The following CPAMD8 variants were observed in gnomAD, a reference collection of about 807,000 sequenced individuals.
CPAMD8 encodes the protein C3 and PZP like alpha-2-macroglobulin domain containing 8, also known as C3 and PZP-like alpha-2-macroglobulin domain-containing protein 8.
In CPAMD8, 146 loss-of-function variants were observed where a neutral mutation model predicts 224.7. The ratio of observed to expected loss-of-function variants is 0.65; its 90% CI spans 0.57 to 0.75. CPAMD8 has a LOEUF of 0.75. Ranked by LOEUF, CPAMD8 falls within the 30% of genes least tolerant of loss-of-function variation. The probability of loss-of-function intolerance (pLI) is 0.00; values close to 1 mark genes in which losing one functional copy is unlikely to be tolerated. For synonymous variants in CPAMD8, 966 were observed against 1,044.6 expected (o/e 0.92, Z 1.45); for missense variants, 2,301 against 2,537.5 (o/e 0.91, Z 2.00).
rs146719403 is a variant in CPAMD8 at position 16,967,568 on chromosome 19, A to C, written c.2213+3323T>G. ...ATGCCTGTAATCCCAGCACTTTGGG[A>C]GGCCAAGGCTGGCGGATCATGAGGT... On this transcript the variant is annotated intron_variant, in intron 18 of 41. Coordinates refer to ENST00000443236, the MANE Select transcript of CPAMD8 (RefSeq NM_015692.5). Among the ~76,000 whole-genome samples the C allele has an allele frequency of 9.5e-3, 1,444 of 152,168 alleles. 21 individuals are homozygous for C. Among genetic ancestry groups the C allele is most frequent in the African/African-American group, 0.033 (1,375 of 41,530 alleles).
rs1196710399 is a variant in CPAMD8 at position 16,906,407 on chromosome 19, T to TTTCTTTCTTTCTTTCTCTCTTTCC, written c.4027+544_4027+545insGGAAAGAGAGAAAGAAAGAAAGAA. Among the ~76,000 whole-genome samples the TTTCTTTCTTTCTTTCTCTCTTTCC allele has an allele frequency of 2.4e-4, 17 of 69,890 alleles. 1 individual carries two copies. Among genetic ancestry groups the TTTCTTTCTTTCTTTCTCTCTTTCC allele is most frequent in the African/African-American group, 1.1e-3 (17 of 15,500 alleles). 45.9% of individuals were successfully genotyped at this position (69,890 alleles called of 152,430 possible). ...CTTTCTTTCTTTCTTTCTTTCTTTCTTTCCTTCCTTCCTTCCTTCCTTCCT... is the reference window on the plus strand; with the variant it reads ...CTTTCTTTCTTTCTTTCTTTCTTTCTTTCTTTCTTTCTTTCTCTCTTTCCTTCCTTCCTTCCTTCCTTCCTTCCT... On this transcript the variant is annotated intron_variant, in intron 30 of 41. Coordinates refer to ENST00000443236, the MANE Select transcript of CPAMD8 (RefSeq NM_015692.5).
Position 16,893,314 on chromosome 19 carries a change from C to T in CPAMD8, c.5452G>A (p.Val1818Met), listed in dbSNP as rs1294953239. ...CTGCTTTCCAGGTTCCCGCTGCTCA[C>T]AGGAGGCCGAGGCCCGGCTGTGACC... is the stretch of plus-strand genomic sequence containing the variant. The part of the protein sequence containing the change: ...DRVTAGPRPP[V>M]SSGNLESSTQ... Residue 1818 changes from valine (V) to methionine (M), a missense_variant, in exon 42 of 42, where the codon GTG becomes ATG. Val to Met is a conservative substitution (Grantham distance 21). Around this residue, in one of 4 missense-constraint regions of CPAMD8, gnomAD observed 1,709 missense variants for 1,753.2 expected, o/e 0.97. Coordinates refer to ENST00000443236, the MANE Select transcript of CPAMD8 (RefSeq NM_015692.5). 8 of 1,543,088 alleles carry T rather than the reference C, an allele frequency of 5.2e-6. No individual in the cohort carries two copies. The South Asian group carries it at 9.5e-5, about 18-fold the overall frequency.
intron 13 of CPAMD8, among the ~76,000 whole-genome samples, chr19:16,980,950 C>A (rs565893338): frequency 2.0e-5 from 3 of 152,064 alleles, no homozygotes; most frequent in Non-Finnish European, 4.4e-5. Flanking sequence ...ATTCTCCTGC[C>A]TCAGCCTCCT....
chr19:16,920,608 C>A (rs963389449), intron 27 of CPAMD8, among the ~76,000 whole-genome samples: 7 of 152,260 alleles, frequency 4.6e-5, no homozygotes, highest in Admixed American at 2.6e-4. Flanking sequence ...GTAATCCCAG[C>A]ACTTTAGGAG....
intron 3 of CPAMD8, among the ~76,000 whole-genome samples, chr19:17,012,127 TC>T (rs916881237): frequency 4.6e-5 from 7 of 151,826 alleles, no homozygotes; most frequent in Non-Finnish European, 7.4e-5. Context: ...CAAATGATTC[TC>T]CCACCTCAGC....
intron 20 of CPAMD8, among the ~76,000 whole-genome samples, chr19:16,948,080 G>A (rs1349104586): frequency 2.0e-5 from 3 of 152,204 alleles, no homozygotes; most frequent in East Asian, 1.9e-4. Flanking sequence ...TGCAGGGTGT[G>A]TGCATGTGCA....
At chr19:17,000,234 G>A (rs112047702) in intron 10 of CPAMD8, 180 bp downstream of exon 10, 3 of 482,866 alleles carry the variant, frequency 6.2e-6, no homozygotes, top group South Asian at 7.9e-5. Context: ...CGAGAGGATC[G>A]CTTGAGCCCA....
At chr19:16,916,631 C>T (rs974280761) in intron 27 of CPAMD8, among the ~76,000 whole-genome samples, 6 of 151,664 alleles carry the variant, frequency 4.0e-5, no homozygotes, top group Non-Finnish European at 7.4e-5. Flanking sequence ...CCCAGCTACT[C>T]GGGAGGCTGA....
chr19:17,004,277 C>T lies in CPAMD8; in HGVS notation c.669G>A (p.Lys223=). 1 of 1,597,446 alleles carries T rather than the reference C, an allele frequency of 6.3e-7. No individual in the cohort carries two copies. The change falls in exon 8 of 42, where the codon AAG becomes AAA. Residue 223 remains lysine, a synonymous_variant. Transcript: ENST00000443236. ...HAYNKSFEVQ[K]YVLPKFELLI... ...CCCTGAGATTCTCCAACTTACCATA[C>T]TTCTGAACTTCAAAAGACTTGTTGT...
intron 13 of CPAMD8, among the ~76,000 whole-genome samples, chr19:16,984,610 C>T (rs2055646325): frequency 1.3e-5 from 2 of 152,026 alleles, no homozygotes; most frequent in South Asian, 4.1e-4. Flanking sequence ...AAAAGATAAC[C>T]CATAGTATAG....
intron 16 of CPAMD8, 75 bp from the exon 17 acceptor site, chr19:16,975,333 C>T (rs1313943304): frequency 4.2e-6 from 5 of 1,187,968 alleles, no homozygotes; most frequent in Non-Finnish European, 4.9e-6. Context: ...GTGGGTGTGG[C>T]ATGCTCCCAT....
intron 12 of CPAMD8, among the ~76,000 whole-genome samples, chr19:16,992,733 T>A (rs1232612055): frequency 6.6e-6 from 1 of 152,164 alleles, no homozygotes; most frequent in African/African-American, 2.4e-5. Flanking sequence ...ATTACAAGCA[T>A]GAGCCACTGT....
intron 3 of CPAMD8, among the ~76,000 whole-genome samples, chr19:17,012,796 G>C (rs1188198167): frequency 6.6e-6 from 1 of 152,242 alleles, no homozygotes; most frequent in Non-Finnish European, 1.5e-5. Flanking sequence ...CAGCCTGTGA[G>C]CGGTGGAAGG....
chr19:16,909,161 G>T (rs1360802015), intron 29 of CPAMD8, among the ~76,000 whole-genome samples: 2 of 152,196 alleles, frequency 1.3e-5, no homozygotes, highest in African/African-American at 4.8e-5. Context: ...ACTTATTTAG[G>T]AAATGGGTCT....
chr19:16,944,471 G>A (rs139619346), intron 22 of CPAMD8, among the ~76,000 whole-genome samples: 12 of 152,258 alleles, frequency 7.9e-5, no homozygotes, highest in African/African-American at 2.6e-4. Context: ...TTCTGTAAGG[G>A]GAGGAGGCAA....
intron 18 of CPAMD8, among the ~76,000 whole-genome samples, chr19:16,969,691 C>T (rs1272305497): frequency 2.0e-5 from 3 of 151,534 alleles, no homozygotes; most frequent in African/African-American, 7.3e-5. Flanking sequence ...ACCAGTGTGC[C>T]TAACATGGTG....
chr19:16,925,430 G>A, intron 25 of CPAMD8, 58 bp from the exon 26 acceptor site: 1 of 1,397,712 alleles, frequency 7.2e-7, no homozygotes, highest in South Asian at 1.2e-5. Context: ...TAGAGAACAG[G>A]GACAGCTTTA....
intron 18 of CPAMD8, among the ~76,000 whole-genome samples, chr19:16,959,434 C>T (rs548336616): frequency 6.6e-6 from 1 of 152,094 alleles, no homozygotes; most frequent in Non-Finnish European, 1.5e-5. Context: ...CTCGGCCTCC[C>T]AAAGTGCTGG....
At chr19:16,970,789 G>T in intron 18 of CPAMD8, 102 bp downstream of exon 18, 2 of 1,088,878 alleles carry the variant, frequency 1.8e-6, no homozygotes, top group Non-Finnish European at 2.7e-6. Context: ...TAAGCCACTC[G>T]GTCTATGGTC....
Sources: allele counts gnomAD v4.1 joint callset (sites outside exome capture counted in the v4.1 genomes callset), GRCh38; gene constraint gnomAD v4.1.1; regional missense constraint gnomAD v4.1.1; transcripts MANE v1.5; gene names NCBI Gene and HGNC (gene_info 2026-07-23, HGNC 2026-07-21).